Variants in RLF observed in about 807,000 individuals in gnomAD.
RLF encodes RLF zinc finger, also known as zinc finger protein Rlf.
RLF carries 7 observed loss-of-function variants against 162.9 expected under a neutral mutation model. The observed-to-expected ratio is 0.04, with a 90% CI of 0.02 to 0.08. The LOEUF is 0.08. RLF is among the 10% of genes least tolerant of loss of function. The probability of loss-of-function intolerance (pLI) is 1.00; values close to 1 mark genes in which losing one functional copy is unlikely to be tolerated. For missense variants in RLF, 1,664 were observed against 2,244.7 expected (o/e 0.74, Z 5.23); for synonymous variants, 782 against 791.5 (o/e 0.99, Z 0.20).
At chr1:40,165,780 C>T (rs1047195517) in intron 1 of RLF, among the ~76,000 whole-genome samples, 4 of 151,918 alleles carry the variant, frequency 2.6e-5, no homozygotes, top group Non-Finnish European at 5.9e-5. Context: ...ACCTCAATTC[C>T]TCCCCCCCCT....
intron 1 of RLF, among the ~76,000 whole-genome samples, chr1:40,165,963 C>G (rs1642160143): frequency 6.6e-6 from 1 of 152,146 alleles, no homozygotes; most frequent in South Asian, 2.1e-4. Flanking sequence ...TTCCTTTCCC[C>G]ATCTACCTAT....
At chr1:40,189,248 C>T in intron 2 of RLF, 39 bp downstream of exon 2, 3 of 1,553,538 alleles carry the variant, frequency 1.9e-6, no homozygotes, top group Non-Finnish European at 2.6e-6. Context: ...AAATTGAGTA[C>T]CATTGGTCGT....
At position 40,239,333 on chromosome 1, in the gene RLF, C is replaced by T; in HGVS notation, c.4631C>T (p.Ser1544Phe). 6.2e-7 allele frequency: 1 copy of T among 1,614,088 alleles called. No homozygotes were observed. Among genetic ancestry groups the T allele is most frequent in the Non-Finnish European group, 8.5e-7 (1 of 1,180,004 alleles). The change falls in exon 8 of 8, where the codon TCT becomes TTT. Residue 1544 changes from serine (S) to phenylalanine (F), a missense_variant. By Grantham distance (155) the Ser-to-Phe change is radical. This residue lies in a region of RLF where 17 missense variants were observed against 57.0 expected (regional missense o/e 0.30). Transcript: ENST00000372771. The stretch of plus-strand genomic sequence containing the variant: ...GCCCTCCATATGTGTGTGGAGCACT[C>T]TGAGCACACACAGTACCCCTGCATG... Reference protein sequence around the residue: ...AEALHMCVEHSEHTQYPCMVQ... With the variant: ...AEALHMCVEHFEHTQYPCMVQ...
At chr1:40,165,938 A>G (rs1435226132) in intron 1 of RLF, among the ~76,000 whole-genome samples, 2 of 152,306 alleles carry the variant, frequency 1.3e-5, no homozygotes, top group East Asian at 3.9e-4. Context: ...CACTCTGCCT[A>G]AATAACCCGG....
At chr1:40,167,405 A>G (rs145789441) in intron 1 of RLF, among the ~76,000 whole-genome samples, 5 of 152,230 alleles carry the variant, frequency 3.3e-5, no homozygotes, top group African/African-American at 1.2e-4. Flanking sequence ...TTTGTAATGC[A>G]CATGACAAAA....
At chr1:40,186,304 G>A (rs1469926079) in intron 1 of RLF, among the ~76,000 whole-genome samples, 6 of 152,164 alleles carry the variant, frequency 3.9e-5, no homozygotes. Context: ...TGATAATGAA[G>A]AAGATTGATT....
At chr1:40,189,397 A>G (rs1379616179) in intron 2 of RLF, among the ~76,000 whole-genome samples, 188 bp downstream of exon 2, 1 of 152,176 alleles carries the variant, frequency 6.6e-6, no homozygotes. Flanking sequence ...GCCAAGCAAC[A>G]TCATCTTTAA....
At chr1:40,163,057 G>C (rs1445486998) in intron 1 of RLF, among the ~76,000 whole-genome samples, 1 of 152,214 alleles carries the variant, frequency 6.6e-6, no homozygotes, top group Non-Finnish European at 1.5e-5. Flanking sequence ...AGGTGTTGTA[G>C]AGACAATGGT....
chr1:40,221,991 T>G (rs1264924699), intron 5 of RLF, among the ~76,000 whole-genome samples: 2 of 152,076 alleles, frequency 1.3e-5, no homozygotes, highest in Non-Finnish European at 2.9e-5. Context: ...TTGTTTGTTT[T>G]TTTAAGATTT....
chr1:40,174,053 T>A (rs1642282035), intron 1 of RLF, among the ~76,000 whole-genome samples: 1 of 152,186 alleles, frequency 6.6e-6, no homozygotes, highest in Non-Finnish European at 1.5e-5. Context: ...AAGACTGTAG[T>A]GCTTTCCATT....
chr1:40,233,442 C>A (rs1306191498), intron 7 of RLF, among the ~76,000 whole-genome samples: 1 of 152,178 alleles, frequency 6.6e-6, no homozygotes, highest in Non-Finnish European at 1.5e-5. Flanking sequence ...GAGTTAGTAA[C>A]TTGTTGAGAA....
chr1:40,192,795 C>T (rs761186143), intron 3 of RLF, among the ~76,000 whole-genome samples: 2 of 152,072 alleles, frequency 1.3e-5, no homozygotes, highest in African/African-American at 2.4e-5. Context: ...ATTAAGGATA[C>T]TTTTGGTAAG....
intron 3 of RLF, among the ~76,000 whole-genome samples, chr1:40,194,853 A>T (rs1448254271): frequency 3.4e-5 from 5 of 148,880 alleles, no homozygotes; most frequent in African/African-American, 9.9e-5. Flanking sequence ...TTTATTTATG[A>T]GACGGAGTCT....
At position 40,235,995 on chromosome 1, in the gene RLF, A is replaced by G. The variant is rs1419039662; in HGVS notation, c.1293A>G (p.Glu431=). 1 of 1,613,280 alleles carries G rather than the reference A, an allele frequency of 6.2e-7. No individual in the cohort carries two copies. The highest frequency in any genetic ancestry group is 1.7e-5 in the Admixed American group (1 of 59,800). ...TGGATGGATTTAATATGTTAGAAGA[A>G]CTATATTTGCAACCAGATCAAAAAT... ...PSLDGFNMLE[E]LYLQPDQKFD... The change falls in exon 8 of 8, where the codon GAA becomes GAG. Residue 431 remains glutamate (E), a synonymous_variant. Transcript: ENST00000372771.
intron 4 of RLF, among the ~76,000 whole-genome samples, chr1:40,196,656 T>G (rs1023721927): frequency 6.6e-6 from 1 of 152,232 alleles, no homozygotes; most frequent in Middle Eastern, 3.4e-3. Context: ...TGCGCCACTG[T>G]GTACAGTTAA....
chr1:40,195,288 A>C (rs1188720248), intron 3 of RLF, among the ~76,000 whole-genome samples: 1 of 151,906 alleles, frequency 6.6e-6, no homozygotes, highest in South Asian at 2.1e-4. Context: ...GTCTCTACTA[A>C]AAATACAAAA....
chr1:40,236,079 A>C lies in RLF; in HGVS notation c.1377A>C (p.Leu459Phe). The C allele has an allele frequency of 6.2e-7, 1 of 1,614,098 alleles. No homozygotes were observed. The highest frequency in any genetic ancestry group is 8.5e-7 in the Non-Finnish European group (1 of 1,180,010). ...TTCGATGTGAGCTCTTACTAGCTTT[A>C]AAAGCCCACTGGCCTTTTGATCCTG... ...NSLRCELLLA[L>F]KAHWPFDPEF... The change falls in exon 8 of 8, where the codon TTA becomes TTC. Residue 459 changes from leucine to phenylalanine, a missense_variant. Physicochemically the swap from Leu to Phe is conservative, Grantham distance 22. Transcript: ENST00000372771. This position sits in a 1 kb window ranked among gnomAD's most constrained non-coding sequence, Gnocchi z 7.7.
At chr1:40,198,249 C>T (rs1157573407) in intron 4 of RLF, among the ~76,000 whole-genome samples, 7 of 150,040 alleles carry the variant, frequency 4.7e-5, no homozygotes, top group East Asian at 2.0e-4. Flanking sequence ...GTGATCTGCC[C>T]TCAGCTTCCC....
intron 1 of RLF, among the ~76,000 whole-genome samples, chr1:40,172,197 G>A (rs536674903): frequency 6.6e-6 from 1 of 152,208 alleles, no homozygotes; most frequent in South Asian, 2.1e-4. Context: ...AAAAAATACA[G>A]TACAGAGGGT....
Sources: allele counts gnomAD v4.1 joint callset (sites outside exome capture counted in the v4.1 genomes callset), GRCh38; gene constraint gnomAD v4.1.1; regional missense constraint gnomAD v4.1.1; non-coding constraint Gnocchi (gnomAD v3.1); transcripts MANE v1.5; gene names NCBI Gene and HGNC (gene_info 2026-07-23, HGNC 2026-07-21).